Variants in GART observed in about 807,000 individuals in gnomAD.
The protein encoded by GART is phosphoribosylglycinamide formyltransferase, phosphoribosylglycinamide synthetase, phosphoribosylaminoimidazole synthetase.
A neutral mutation model predicts 107.2 loss-of-function variants in GART; 43 were observed. That is an observed-to-expected ratio of 0.40 (90% CI 0.31 to 0.52). The LOEUF is 0.52. Ranked by LOEUF, GART falls within the 20% of genes least tolerant of loss-of-function variation. GART has a pLI of 0.52. For missense variants in GART, 1,107 were observed against 1,206.5 expected (o/e 0.92, Z 1.22); for synonymous variants, 434 against 427.0 (o/e 1.02, Z -0.20).
At position 33,520,664 on chromosome 21, in the gene GART, G is replaced by T. The variant is rs1316473187; in HGVS notation, c.1504-102C>A. On this transcript the variant is annotated intron_variant, in intron 13 of 21. Coordinates refer to ENST00000381815, the MANE Select transcript of GART (RefSeq NM_000819.5). Reference sequence around the variant, plus strand: ...TTAACACCTAAAAACAAAAGAACACGAAATTCTGACAAGCTACTTGGTCTA... The same window carrying T: ...TTAACACCTAAAAACAAAAGAACACTAAATTCTGACAAGCTACTTGGTCTA... The T allele has an allele frequency of 9.6e-6, 10 of 1,044,856 alleles. No individual in the cohort carries two copies. In the East Asian group the frequency reaches 2.1e-4, roughly 22 times the overall value. The allele number at this position is 1,044,856 out of a possible 1,614,324, so 64.7% of individuals were successfully genotyped here.
chr21:33,508,497 T>C (rs2084724109), intron 18 of GART, among the ~76,000 whole-genome samples: 1 of 151,502 alleles, frequency 6.6e-6, no homozygotes, highest in Non-Finnish European at 1.5e-5. Context: ...TTCCCTGTTT[T>C]GTATCTATTG....
upstream of GART, chr21:33,542,645 T>C: frequency 6.1e-6 from 1 of 165,064 alleles, no homozygotes; most frequent in African/African-American, 2.4e-5. Context: ...CTGTCGAAAC[T>C]GAACTTGGCG....
intron 16 of GART, among the ~76,000 whole-genome samples, chr21:33,516,660 T>C (rs188167351): frequency 6.6e-6 from 1 of 152,358 alleles, no homozygotes; most frequent in East Asian, 1.9e-4. Flanking sequence ...ATCTCGAATA[T>C]GGATTACTTA....
intron 16 of GART, among the ~76,000 whole-genome samples, chr21:33,512,441 G>A (rs908202907): frequency 6.6e-6 from 1 of 151,696 alleles, no homozygotes; most frequent in Non-Finnish European, 1.5e-5. Flanking sequence ...TGGAATCTAC[G>A]ATTATGGGAT....
chr21:33,541,415 G>A (rs2085421131), intron 1 of GART, among the ~76,000 whole-genome samples: 1 of 152,170 alleles, frequency 6.6e-6, no homozygotes, highest in Non-Finnish European at 1.5e-5. Flanking sequence ...CCAAGTGCTG[G>A]GATTACATCA....
At chr21:33,523,219 G>A (rs548270565) in intron 11 of GART, among the ~76,000 whole-genome samples, 2 of 152,202 alleles carry the variant, frequency 1.3e-5, no homozygotes, top group Non-Finnish European at 2.9e-5. Flanking sequence ...TTATAGAAGT[G>A]TCTTTAAAAA....
At chr21:33,516,896 A>AT (rs2084889030) in intron 16 of GART, 93 bp downstream of exon 16, 2 of 1,096,556 alleles carry the variant, frequency 1.8e-6, no homozygotes, top group South Asian at 3.3e-5. Context: ...TCCATGTGTA[A>AT]TCATGTGTAC....
intron 16 of GART, among the ~76,000 whole-genome samples, chr21:33,516,449 A>T (rs1266866722): frequency 6.6e-6 from 1 of 152,094 alleles, no homozygotes; most frequent in Non-Finnish European, 1.5e-5. Context: ...GCATGACTTC[A>T]ACTTCTGCTC....
intron 9 of GART, 24 bp from the exon 10 acceptor site, chr21:33,528,359 C>G (rs2085114542): frequency 6.2e-7 from 1 of 1,609,280 alleles, no homozygotes; most frequent in Middle Eastern, 1.7e-4. Context: ...ATCCACATGG[C>G]AGGTGGGATA....
intron 10 of GART, among the ~76,000 whole-genome samples, chr21:33,525,432 G>A (rs2085054860): frequency 6.6e-6 from 1 of 152,094 alleles, no homozygotes; most frequent in Non-Finnish European, 1.5e-5. Context: ...TTCCCTATCA[G>A]ACAGGTCTTC....
intron 4 of GART, among the ~76,000 whole-genome samples, chr21:33,533,802 G>A (rs1038353036): frequency 6.6e-6 from 1 of 151,978 alleles, no homozygotes; most frequent in African/African-American, 2.4e-5. Flanking sequence ...CTACTTGGGA[G>A]GCTGAGGTGG....
rs944906219 is a variant in GART, at chr21:33,507,895, C to T, written c.2453-1791G>A. On this transcript the variant is annotated intron_variant, in intron 18 of 21. Coordinates refer to ENST00000381815, the MANE Select transcript of GART (RefSeq NM_000819.5). Reference sequence around the variant, plus strand: ...TAAAATAACTGGATTGTTTGTAACACAAAGAATAAATGCTTGAGGTGATGA... The same window carrying T: ...TAAAATAACTGGATTGTTTGTAACATAAAGAATAAATGCTTGAGGTGATGA... Among the ~76,000 whole-genome samples the T allele has an allele frequency of 3.4e-4, 52 of 151,982 alleles. 1 individual carries two copies. The highest frequency in any genetic ancestry group is 1.9e-4 in the East Asian group (1 of 5,192).
Position 33,517,510 on chromosome 21 carries a change from G to A in GART, c.1801C>T (p.His601Tyr), listed in dbSNP as rs2084900000. The change falls in exon 15 of 22, where the codon CAC (histidine) becomes TAC (tyrosine). Residue 601 changes from histidine to tyrosine, a missense_variant. Transcript: ENST00000381815. ...GAMERDQKLP[H>Y]LERITEGDVV... Reference sequence around the variant, plus strand: ...TCACCCTCAGTGATTCTTTCCAGGTGAGGGAGTTTCTGATCTCGCTCCATG... The same window carrying A: ...TCACCCTCAGTGATTCTTTCCAGGTAAGGGAGTTTCTGATCTCGCTCCATG... 2.5e-6 allele frequency: 4 copies of A among 1,614,106 alleles called. No individual in the cohort carries two copies. The highest frequency in any genetic ancestry group is 8.5e-7 in the Non-Finnish European group (1 of 1,180,052).
chr21:33,535,125 ATAT>A (rs995017479), intron 3 of GART, 97 bp downstream of exon 3: 2 of 766,066 alleles, frequency 2.6e-6, no homozygotes, highest in African/African-American at 1.8e-5. Context: ...TTCCAAGATA[ATAT>A]TACAAATTCT....
chr21:33,517,161 G>A lies in GART; in HGVS notation c.1955-20C>T. The stretch of plus-strand genomic sequence containing the variant: ...AGTCCCCTGCATGTTGAAGAGAGAA[G>A]ACAAAAACTTAGCCTATGAATAGAA... On this transcript the variant is annotated intron_variant, in intron 15 of 21. Coordinates refer to ENST00000381815, the MANE Select transcript of GART (RefSeq NM_000819.5). The A allele has an allele frequency of 6.3e-7, 1 of 1,589,102 alleles. No individual in the cohort carries two copies.
At chr21:33,528,756 T>TAAA (rs57178645) in intron 8 of GART, 94 bp downstream of exon 8, 439 of 801,666 alleles carry the variant, frequency 5.5e-4, no homozygotes, top group Middle Eastern at 1.0e-3. Flanking sequence ...TAAAAAGTGG[T>TAAA]AAAAAAAAAA....
chr21:33,535,805 A>G (rs1054663277), intron 2 of GART, among the ~76,000 whole-genome samples: 1 of 152,162 alleles, frequency 6.6e-6, no homozygotes, highest in Non-Finnish European at 1.5e-5. Context: ...AGGTGGGTGG[A>G]TCACCTAAGG....
chr21:33,530,609 A>T, intron 7 of GART, 150 bp downstream of exon 7: 1 of 798,168 alleles, frequency 1.3e-6, no homozygotes, highest in Non-Finnish European at 1.7e-6. Flanking sequence ...TTTAGAGACC[A>T]GAAAAGATAC....
chr21:33,513,344 C>T (rs959618245), intron 16 of GART, among the ~76,000 whole-genome samples: 3 of 151,962 alleles, frequency 2.0e-5, no homozygotes, highest in Non-Finnish European at 2.9e-5. Flanking sequence ...GGCCGAGGCC[C>T]GCAGATCACG....
Sources: allele counts gnomAD v4.1 joint callset (sites outside exome capture counted in the v4.1 genomes callset), GRCh38; gene constraint gnomAD v4.1.1; transcripts MANE v1.5; gene names NCBI Gene and HGNC (gene_info 2026-07-23, HGNC 2026-07-21).